NKX6-3: variants seen among roughly 807,000 people sequenced by gnomAD.
The protein encoded by NKX6-3 is NK6 homeobox 3, also known as homeobox protein Nkx-6.3.
A neutral mutation model predicts 22.0 loss-of-function variants in NKX6-3; 17 were observed. That is an observed-to-expected ratio of 0.77 (90% CI 0.53 to 1.16). NKX6-3 has a LOEUF of 1.16. Among genes scored for constraint, NKX6-3 ranks in the 50% most tolerant of loss-of-function variants. The pLI is 0.00. For synonymous variants in NKX6-3, 177 were observed against 167.2 expected (o/e 1.06, Z -0.45); for missense variants, 363 against 359.0 (o/e 1.01, Z -0.09).
rs1367454575 is a variant in NKX6-3, at chr8:41,648,121, C to T, written c.497G>A (p.Gly166Asp). ...GTATGCCAGCCGTGCCCTCTCGGGG[C>T]CAGCCAAGTACTTGGTCTGCTCAAA... ...KTFEQTKYLA[G>D]PERARLAYSL... Residue 166 changes from glycine (G) to aspartate (D), a missense_variant, in exon 2 of 3, where the codon GGC becomes GAC. Around this residue, in one of 3 missense-constraint regions of NKX6-3, gnomAD observed 169 missense variants for 155.8 expected, o/e 1.08. Transcript: ENST00000518699. The T allele has an allele frequency of 2.0e-6, 3 of 1,537,424 alleles. No individual in the cohort carries two copies. The highest frequency in any genetic ancestry group is 2.6e-6 in the Non-Finnish European group (3 of 1,146,836).
In NKX6-3 at chr8:41,650,537, C is replaced by G; in HGVS notation, c.-45G>C. 1 of 1,521,398 alleles carries G rather than the reference C, an allele frequency of 6.6e-7. No individual in the cohort carries two copies. Among genetic ancestry groups the G allele is most frequent in the Non-Finnish European group, 8.8e-7 (1 of 1,139,674 alleles). 94.2% of individuals were successfully genotyped at this position (1,521,398 alleles called of 1,614,324 possible). On this transcript the variant is annotated 5_prime_UTR_variant, in exon 1 of 3. Coordinates refer to ENST00000518699, the MANE Select transcript of NKX6-3 (RefSeq NM_001364841.2). Reference sequence around the variant, plus strand: ...GGAAGGCTTCTCCAGGCCCCTAAAACCCAAGAGCCCACTCTCTAGCCCCAA... The same window carrying G: ...GGAAGGCTTCTCCAGGCCCCTAAAAGCCAAGAGCCCACTCTCTAGCCCCAA...
chr8:41,646,623 C>T lies in NKX6-3; in HGVS notation c.624G>A (p.Arg208=), dbSNP rs761702644. ...SALEPSSSTP[R]APGGAGAGAG... ...CGCCTGCACCCGCGCCGCCCGGGGC[C>T]CGGGGCGTGGAGGACGAGGGCTCCA... Residue 208 remains arginine (R), a synonymous_variant, in exon 3 of 3, where the codon CGG becomes CGA. Coordinates refer to ENST00000518699, the MANE Select transcript of NKX6-3 (RefSeq NM_001364841.2). 1.9e-6 allele frequency: 3 copies of T among 1,558,698 alleles called. No homozygotes were observed. Among genetic ancestry groups the T allele is most frequent in the East Asian group, 4.8e-5 (2 of 41,648 alleles).
intron 1 of NKX6-3, among the ~76,000 whole-genome samples, chr8:41,649,571 G>C (rs770919320): frequency 6.6e-6 from 1 of 152,220 alleles, no homozygotes; most frequent in Non-Finnish European, 1.5e-5. Flanking sequence ...AGGCTACTTG[G>C]TGTGGCTGCT....
intron 1 of NKX6-3, among the ~76,000 whole-genome samples, chr8:41,648,661 G>A (rs1804258368): frequency 6.6e-6 from 1 of 152,240 alleles, no homozygotes; most frequent in Admixed American, 6.5e-5. Context: ...CCTTGCTCTT[G>A]AGACTCAACT....
In NKX6-3 at chr8:41,650,343, T is replaced by G; in HGVS notation, c.150A>C (p.Gly50=). ...GGATGTCCGTGATCCCGTGGGGGGT[T>G]CCGGCGGCCAGCTGGGGGCCCAGCC... ...PPGLGPQLAA[G]TPHGITDILS... Residue 50 remains glycine (G), a synonymous_variant, in exon 1 of 3, where the codon GGA becomes GGC. Coordinates refer to ENST00000518699, the MANE Select transcript of NKX6-3 (RefSeq NM_001364841.2). 8 of 1,534,948 alleles carry G rather than the reference T, an allele frequency of 5.2e-6. No homozygotes were observed. Among genetic ancestry groups the G allele is most frequent in the Non-Finnish European group, 7.0e-6 (8 of 1,146,276 alleles).
At chr8:41,649,973 A>C (rs1198232743) in intron 1 of NKX6-3, 138 bp downstream of exon 1, 2 of 914,744 alleles carry the variant, frequency 2.2e-6, no homozygotes, top group African/African-American at 3.4e-5. Flanking sequence ...CACTGAGCTG[A>C]GGCTACGAGT....
In NKX6-3 at chr8:41,646,231, CTTAGCTAGGATG is replaced by C; in HGVS notation, c.*206_*217del. The stretch of plus-strand genomic sequence containing the variant: ...TGCCTCCCTCCTGGCCTCCTCCTCC[CTTAGCTAGGATG>C]CCTGTCCCCTTTCCCTCCTTTTCCT... On this transcript the variant is annotated 3_prime_UTR_variant, in exon 3 of 3. Transcript: ENST00000518699. 1.6e-6 allele frequency: 1 copy of C among 642,158 alleles called. No homozygotes were observed. The highest frequency in any genetic ancestry group is 2.6e-6 in the Non-Finnish European group (1 of 377,406). 39.8% of individuals were successfully genotyped at this position (642,158 alleles called of 1,614,324 possible).
intron 2 of NKX6-3, chr8:41,647,282 G>C: frequency 1.2e-6 from 2 of 1,605,836 alleles, no homozygotes; most frequent in Non-Finnish European, 1.7e-6. Flanking sequence ...GGAGGGCGCA[G>C]CGGGTTGGAG....
chr8:41,648,061 C>T lies in NKX6-3; in HGVS notation c.552+5G>A. 1 of 1,531,260 alleles carries T rather than the reference C, an allele frequency of 6.5e-7. No homozygotes were observed. The allele number at this position is 1,531,260 out of a possible 1,614,324, so 94.9% of individuals were successfully genotyped here. ...GGGCAGGTGCCATCTCCCGCACAGA[C>T]TTACCTTGACCTGCGACTCGGTCAT... On this transcript the variant is annotated splice_donor_5th_base_variant and intron_variant, in intron 2 of 2. Coordinates refer to ENST00000518699, the MANE Select transcript of NKX6-3 (RefSeq NM_001364841.2).
chr8:41,647,297 G>T, intron 2 of NKX6-3: 1 of 1,601,502 alleles, frequency 6.2e-7, no homozygotes, highest in Non-Finnish European at 8.5e-7. Context: ...TTGGAGCTCG[G>T]GGAGGCCCCA....
At chr8:41,648,517 C>T (rs893520487) in intron 1 of NKX6-3, among the ~76,000 whole-genome samples, 3 of 152,194 alleles carry the variant, frequency 2.0e-5, no homozygotes, top group African/African-American at 7.2e-5. Flanking sequence ...TCTCAATACT[C>T]GCTGATGTTG....
Position 41,645,670 on chromosome 8 carries a change from C to G in NKX6-3, c.*779G>C, listed in dbSNP as rs1804185365. ...GCCTCCCCTCTCCCTGCACCCTCCC[C>G]TTTTCCCCGGCTGTCAGGATGAGGA... On this transcript the variant is annotated 3_prime_UTR_variant, in exon 3 of 3. Coordinates refer to ENST00000518699, the MANE Select transcript of NKX6-3 (RefSeq NM_001364841.2). 6.6e-6 allele frequency: 1 copy of G among 152,464 alleles called. No homozygotes were observed. The highest frequency in any genetic ancestry group is 1.9e-4 in the East Asian group (1 of 5,194). The allele number at this position is 152,464 out of a possible 1,614,324, so 9.4% of individuals were successfully genotyped here. A position where few individuals can be genotyped will look rare whatever the true frequency, so the allele number is the denominator to read the frequency against.
At chr8:41,647,193 C>A (rs1414670900) in intron 2 of NKX6-3, 1 of 1,612,888 alleles carries the variant, frequency 6.2e-7, no homozygotes, top group Non-Finnish European at 8.5e-7. Flanking sequence ...CAGGAACGCA[C>A]CCCAGAAGCA....
rs1158893721 is a variant in NKX6-3 at position 41,648,107 on chromosome 8, G to A, written c.511C>T (p.Arg171Trp). ...TKYLAGPERA[R>W]LAYSLGMTES... ...GTCATGCCCAGTGAGTATGCCAGCC[G>A]TGCCCTCTCGGGGCCAGCCAAGTAC... Residue 171 changes from arginine (R) to tryptophan (W), a missense_variant, in exon 2 of 3, where the codon CGG becomes TGG. By Grantham distance (101) the Arg-to-Trp change is moderately radical. Transcript: ENST00000518699. 2.6e-5 allele frequency: 40 copies of A among 1,536,588 alleles called. No homozygotes were observed. The highest frequency in any genetic ancestry group is 1.7e-4 in the Middle Eastern group (1 of 5,988).
rs1226389059 is a variant in NKX6-3, at chr8:41,645,908, G to A, written c.*541C>T. 4 of 175,210 alleles carry A rather than the reference G, an allele frequency of 2.3e-5. No individual in the cohort carries two copies. Among genetic ancestry groups the A allele is most frequent in the Admixed American group, 1.8e-4 (3 of 16,714 alleles). 10.9% of individuals were successfully genotyped at this position (175,210 alleles called of 1,614,324 possible). Reference sequence around the variant, plus strand: ...CCAGTGGGACCCTTCCTGTGCACAGGTCTGAGGAGTGCACCTGGCCACTCA... The same window carrying A: ...CCAGTGGGACCCTTCCTGTGCACAGATCTGAGGAGTGCACCTGGCCACTCA... On this transcript the variant is annotated 3_prime_UTR_variant, in exon 3 of 3. Coordinates refer to ENST00000518699, the MANE Select transcript of NKX6-3 (RefSeq NM_001364841.2).
Position 41,647,189 on chromosome 8 carries a change from C to T in NKX6-3, c.553-495G>A, listed in dbSNP as rs1563289678. 4 of 1,612,596 alleles carry T rather than the reference C, an allele frequency of 2.5e-6. No individual in the cohort carries two copies. In the Admixed American group the frequency reaches 5.0e-5, roughly 20 times the overall value. On this transcript the variant is annotated intron_variant, in intron 2 of 2. Coordinates refer to ENST00000518699, the MANE Select transcript of NKX6-3 (RefSeq NM_001364841.2). ...TTGGGATAGTTGAAGAGGGCAGGAA[C>T]GCACCCCAGAAGCAGAAAGACATGC...
At chr8:41,647,329 C>T (rs752184981) in intron 2 of NKX6-3, 3 of 1,579,280 alleles carry the variant, frequency 1.9e-6, no homozygotes, top group Admixed American at 1.9e-5. Flanking sequence ...AAAGCCTAGA[C>T]CCAGGTGCCA....
chr8:41,649,290 C>T (rs543910039), intron 1 of NKX6-3, among the ~76,000 whole-genome samples: 1 of 152,210 alleles, frequency 6.6e-6, no homozygotes, highest in South Asian at 2.1e-4. Context: ...CCCCCATTGG[C>T]GTAGGAGAGC....
chr8:41,648,012 C>T, intron 2 of NKX6-3, 54 bp downstream of exon 2: 1 of 1,465,784 alleles, frequency 6.8e-7, no homozygotes, highest in Non-Finnish European at 9.1e-7. Flanking sequence ...CAGTGGCCTC[C>T]TGTCCGGCAG....
Sources: gnomAD v4.1 joint callset for allele counts (sites outside exome capture counted in the v4.1 genomes callset) on GRCh38, gnomAD v4.1.1 for gene constraint, gnomAD v4.1.1 regional missense constraint, MANE v1.5 for transcripts, NCBI Gene and HGNC (gene_info 2026-07-23, HGNC 2026-07-21) for gene names.